UVRAG: variants seen among roughly 807,000 people sequenced by gnomAD.
UVRAG encodes UV radiation resistance-associated gene protein.
UVRAG carries 19 observed loss-of-function variants against 78.0 expected under a neutral mutation model. That is an observed-to-expected ratio of 0.24 (90% CI 0.17 to 0.36). UVRAG has a LOEUF of 0.36. UVRAG is among the 10% of genes least tolerant of loss of function. UVRAG has a pLI of 1.00. For missense variants in UVRAG, 740 were observed against 853.8 expected (o/e 0.87, Z 1.66); for synonymous variants, 323 against 324.6 (o/e 1.00, Z 0.05).
intron 5 of UVRAG, among the ~76,000 whole-genome samples, chr11:75,903,076 T>TCTC (rs937074121): frequency 6.6e-6 from 1 of 152,016 alleles, no homozygotes; most frequent in Non-Finnish European, 1.5e-5. Flanking sequence ...TCTTCTTCCT[T>TCTC]CTCCTCCTCC....
intron 3 of UVRAG, among the ~76,000 whole-genome samples, chr11:75,862,908 T>C (rs565548962): frequency 2.0e-5 from 3 of 152,208 alleles, no homozygotes; most frequent in Non-Finnish European, 4.4e-5. Context: ...AGTAACTACT[T>C]GTTAAATGAA....
chr11:76,023,382 A>G (rs1384048661), intron 12 of UVRAG, among the ~76,000 whole-genome samples: 3 of 152,120 alleles, frequency 2.0e-5, no homozygotes, highest in Non-Finnish European at 4.4e-5. Context: ...TTTCTCAAAG[A>G]AACTCTCTCC....
In UVRAG at chr11:76,138,928, G is replaced by A. The variant is rs527850553; in HGVS notation, c.1398-1783G>A. 9.2e-5 allele frequency among the ~76,000 whole-genome samples: 14 copies of A among 152,338 alleles called. 1 individual carries two copies. The South Asian group carries it at 1.9e-3, about 20-fold the overall frequency. ...GAGTAAAAACAAGGCTTGCAAAAATGTGTAGCTTACCCAATTATTGTGAAT... is the reference window on the plus strand; with the variant it reads ...GAGTAAAAACAAGGCTTGCAAAAATATGTAGCTTACCCAATTATTGTGAAT... On this transcript the variant is annotated intron_variant, in intron 14 of 14. Transcript: ENST00000356136.
At chr11:76,099,247 A>G (rs919757615) in intron 13 of UVRAG, among the ~76,000 whole-genome samples, 2 of 152,208 alleles carry the variant, frequency 1.3e-5, no homozygotes, top group African/African-American at 4.8e-5. Context: ...TAAGTAAAAT[A>G]AATTCTCTGT....
intron 12 of UVRAG, among the ~76,000 whole-genome samples, chr11:76,023,739 C>T (rs904452690): frequency 2.6e-5 from 4 of 152,096 alleles, no homozygotes; most frequent in African/African-American, 9.7e-5. Context: ...AACTTTCTTC[C>T]TGGTTTTGAG....
rs1949999515 is a variant in UVRAG, at chr11:76,008,868, GTATTT to G, written c.1060+8_1060+12del. 1 of 1,440,564 alleles carries G rather than the reference GTATTT, an allele frequency of 6.9e-7. No homozygotes were observed. 89.2% of individuals were successfully genotyped at this position (1,440,564 alleles called of 1,614,324 possible). On this transcript the variant is annotated splice_donor_variant and splice_donor_5th_base_variant and intron_variant, in intron 11 of 14. Transcript: ENST00000356136. LOFTEE classifies it high-confidence loss of function. ...TTGCCTAATTCTGAGGACTTCCAAG[GTATTT>G]TATTTTTTATTTTGAAGATTTGTTA...
intron 2 of UVRAG, 56 bp from the exon 3 acceptor site, chr11:75,861,690 G>T: frequency 7.5e-7 from 1 of 1,336,152 alleles, no homozygotes; most frequent in South Asian, 1.2e-5. Flanking sequence ...TTAACAGTTG[G>T]TTAATGGGCT....
At chr11:75,955,890 A>T (rs1948787094) in intron 6 of UVRAG, among the ~76,000 whole-genome samples, 1 of 152,222 alleles carries the variant, frequency 6.6e-6, no homozygotes, top group South Asian at 2.1e-4. Flanking sequence ...CACCATCTAG[A>T]AAAATAAAGA....
chr11:76,079,275 G>C (rs1235116024), intron 13 of UVRAG, among the ~76,000 whole-genome samples: 1 of 152,098 alleles, frequency 6.6e-6, no homozygotes, highest in Non-Finnish European at 1.5e-5. Flanking sequence ...CTTGAGCTCA[G>C]GAGTTCGAGA....
At chr11:75,836,618 G>T (rs911337400) in intron 1 of UVRAG, among the ~76,000 whole-genome samples, 5 of 151,916 alleles carry the variant, frequency 3.3e-5, no homozygotes, top group African/African-American at 1.2e-4. Context: ...TTCATTCACT[G>T]CCCTAAAGCT....
At chr11:76,074,292 C>G (rs1030110606) in intron 13 of UVRAG, among the ~76,000 whole-genome samples, 1 of 152,126 alleles carries the variant, frequency 6.6e-6, no homozygotes, top group Admixed American at 6.5e-5. Context: ...CTGTGAAACT[C>G]TTCAATTGCT....
intron 13 of UVRAG, among the ~76,000 whole-genome samples, chr11:76,083,088 C>A (rs531605797): frequency 6.6e-6 from 1 of 152,112 alleles, no homozygotes. Context: ...GCATGTGTAC[C>A]CCCTGAATCT....
intron 14 of UVRAG, among the ~76,000 whole-genome samples, chr11:76,123,999 C>T (rs942746711): frequency 2.6e-5 from 4 of 151,790 alleles, no homozygotes; most frequent in South Asian, 2.1e-4. Flanking sequence ...CTCCTGACCT[C>T]GTGATCCACC....
intron 13 of UVRAG, among the ~76,000 whole-genome samples, chr11:76,114,886 A>G (rs967311237): frequency 1.3e-5 from 2 of 152,242 alleles, no homozygotes; most frequent in African/African-American, 4.8e-5. Flanking sequence ...AGCCACTCTT[A>G]AATTTAAGTG....
At chr11:75,943,048 G>A (rs906298872) in intron 6 of UVRAG, among the ~76,000 whole-genome samples, 2 of 151,954 alleles carry the variant, frequency 1.3e-5, no homozygotes, top group African/African-American at 4.8e-5. Context: ...GTGACAGAGC[G>A]AGATCCTGTC....
intron 8 of UVRAG, among the ~76,000 whole-genome samples, chr11:75,994,754 A>G (rs1949672462): frequency 6.6e-6 from 1 of 152,164 alleles, no homozygotes; most frequent in Non-Finnish European, 1.5e-5. Context: ...TTTCCACTAA[A>G]CGAAACGTCA....
chr11:76,011,812 C>T (rs948081460), intron 11 of UVRAG, among the ~76,000 whole-genome samples: 2 of 152,086 alleles, frequency 1.3e-5, no homozygotes, highest in African/African-American at 4.8e-5. Flanking sequence ...GTAATCAAGA[C>T]AGTCAGTAAG....
chr11:75,878,036 G>C (rs112652641), intron 3 of UVRAG, among the ~76,000 whole-genome samples: 1 of 149,110 alleles, frequency 6.7e-6, no homozygotes, highest in Non-Finnish European at 1.5e-5. Context: ...GGTGGCTGCC[G>C]GGCGGAGGGG....
intron 6 of UVRAG, among the ~76,000 whole-genome samples, chr11:75,912,800 A>G (rs1326817326): frequency 6.6e-6 from 1 of 152,222 alleles, no homozygotes; most frequent in East Asian, 1.9e-4. Flanking sequence ...ATCCAGAAGG[A>G]TGCTCGGAGA....
Sources: allele counts gnomAD v4.1 joint callset (sites outside exome capture counted in the v4.1 genomes callset), GRCh38; gene constraint gnomAD v4.1.1; transcripts MANE v1.5; gene names NCBI Gene and HGNC (gene_info 2026-07-23, HGNC 2026-07-21).